MYO5B: variants seen among roughly 807,000 people sequenced by gnomAD.
MYO5B encodes unconventional myosin-Vb.
A neutral mutation model predicts 229.3 loss-of-function variants in MYO5B; 143 were observed. That is an observed-to-expected ratio of 0.62 (90% confidence interval 0.54 to 0.72). The LOEUF is 0.72. MYO5B is among the 30% of genes least tolerant of loss of function. The pLI is 0.00. For missense variants in MYO5B, 2,321 were observed against 2,331.0 expected (o/e 1.00, Z 0.09); for synonymous variants, 918 against 885.2 (o/e 1.04, Z -0.66).
intron 1 of MYO5B, among the ~76,000 whole-genome samples, chr18:50,191,157 C>G (rs2033221066): frequency 6.6e-6 from 1 of 152,236 alleles, no homozygotes; most frequent in South Asian, 2.1e-4. Context: ...TAGGCAACTA[C>G]ACAACTGCTT....
intron 1 of MYO5B, among the ~76,000 whole-genome samples, chr18:50,188,934 T>C (rs2033191092): frequency 6.6e-6 from 1 of 152,042 alleles, no homozygotes; most frequent in African/African-American, 2.4e-5. Flanking sequence ...AAAATTCTGA[T>C]GATCGCCAAC....
intron 22 of MYO5B, among the ~76,000 whole-genome samples, chr18:49,885,707 G>C (rs982353769): frequency 5.9e-5 from 9 of 152,036 alleles, no homozygotes; most frequent in African/African-American, 1.9e-4. Flanking sequence ...AGGTAGAAAG[G>C]GGCAGGAAAA....
At chr18:50,159,392 C>A (rs897363256) in intron 1 of MYO5B, among the ~76,000 whole-genome samples, 12 of 152,182 alleles carry the variant, frequency 7.9e-5, no homozygotes, top group African/African-American at 2.9e-4. Context: ...AAGGAGCTTT[C>A]ACATGTTTAT....
chr18:49,830,145 C>CCACACACA (rs57718809), intron 39 of MYO5B, among the ~76,000 whole-genome samples: 15,491 of 149,864 alleles, frequency 0.1, 1,000 homozygotes, highest in African/African-American at 0.19. Context: ...CTGAAAGAAT[C>CCACACACA]CACACACACA....
In MYO5B at chr18:49,849,522, A is replaced by G. The variant is rs367768347; in HGVS notation, c.4315+45T>C. On this transcript the variant is annotated intron_variant, in intron 32 of 39. Transcript: ENST00000285039. ...CAGCTCACACCCACAGGCGTGGCCA[A>G]GTATACCTGTGATTCACAAAACACA... The G allele has an allele frequency of 6.2e-4, 857 of 1,390,524 alleles. 9 individuals are homozygous for G. Among genetic ancestry groups the G allele is most frequent in the Non-Finnish European group, 2.2e-4 (215 of 976,826 alleles). 86.1% of individuals were successfully genotyped at this position (1,390,524 alleles called of 1,614,324 possible). A position where few individuals can be genotyped will look rare whatever the true frequency, so the allele number is the denominator to read the frequency against.
intron 2 of MYO5B, among the ~76,000 whole-genome samples, chr18:50,049,024 GAAAA>G (rs33975553): frequency 7.9e-6 from 1 of 126,598 alleles, no homozygotes. Context: ...TCCATCTCAG[GAAAA>G]AAAAAAAAAA....
intron 5 of MYO5B, among the ~76,000 whole-genome samples, chr18:49,995,257 CTT>C (rs34197598): frequency 7.3e-5 from 10 of 137,498 alleles, no homozygotes; most frequent in Admixed American, 2.2e-4. Flanking sequence ...CACTTATATC[CTT>C]TTTTTTTTTT....
At chr18:49,877,705 GA>G in intron 25 of MYO5B, 57 bp downstream of exon 25, 2 of 1,610,810 alleles carry the variant, frequency 1.2e-6, no homozygotes, top group Non-Finnish European at 1.7e-6. Flanking sequence ...GTTCCACACA[GA>G]AAAAAACACA....
chr18:50,036,787 T>TA (rs1452761709), intron 4 of MYO5B, 63 bp downstream of exon 4: 2 of 1,589,878 alleles, frequency 1.3e-6, no homozygotes, highest in Non-Finnish European at 1.7e-6. Context: ...CAGAGGAAGG[T>TA]AAAAACTCCC....
At chr18:50,081,539 T>C (rs2144470591) in intron 1 of MYO5B, among the ~76,000 whole-genome samples, 1 of 152,306 alleles carries the variant, frequency 6.6e-6, no homozygotes, top group East Asian at 1.9e-4. Flanking sequence ...ATCCCTGCAC[T>C]GTAATACAAT....
chr18:50,031,177 C>A (rs2026384762), intron 4 of MYO5B, among the ~76,000 whole-genome samples: 1 of 152,132 alleles, frequency 6.6e-6, no homozygotes, highest in Non-Finnish European at 1.5e-5. Flanking sequence ...GGTCTAAATT[C>A]CATTGCTACC....
intron 1 of MYO5B, among the ~76,000 whole-genome samples, chr18:50,073,173 A>G (rs2030998458): frequency 1.3e-5 from 2 of 152,232 alleles, no homozygotes; most frequent in South Asian, 4.1e-4. Context: ...TATCATTGCT[A>G]TTCTTGGTAC....
intron 1 of MYO5B, among the ~76,000 whole-genome samples, chr18:50,157,136 C>T (rs947189230): frequency 4.0e-5 from 6 of 150,546 alleles, no homozygotes; most frequent in African/African-American, 7.4e-5. Context: ...GACGGAGTCT[C>T]GCTCTGTCGC....
intron 18 of MYO5B, among the ~76,000 whole-genome samples, chr18:49,907,840 G>C (rs1346734725): frequency 2.0e-5 from 3 of 152,248 alleles, no homozygotes; most frequent in Non-Finnish European, 2.9e-5. Context: ...GCAAGAGTGG[G>C]CTCTGGGCCT....
In MYO5B at chr18:49,939,749, A is replaced by G. The variant is rs142789145; in HGVS notation, c.1753-2352T>C. Among the ~76,000 whole-genome samples, 82 of 152,348 alleles carry G rather than the reference A, an allele frequency of 5.4e-4. No homozygotes were observed. The East Asian group carries it at 0.012, about 22-fold the overall frequency. On this transcript the variant is annotated intron_variant, in intron 14 of 39. Coordinates refer to ENST00000285039, the MANE Select transcript of MYO5B (RefSeq NM_001080467.3). ...CCCAGGTCAGAATTTGTTTCAATAC[A>G]GAAATATAGCCTTGTCATTTAAACC...
At chr18:50,155,995 C>T (rs571288995) in intron 1 of MYO5B, among the ~76,000 whole-genome samples, 119 of 152,320 alleles carry the variant, frequency 7.8e-4, no homozygotes, top group Middle Eastern at 3.4e-3. Context: ...CTGCCACAGT[C>T]GTGCACAATG....
chr18:50,167,697 C>T (rs112412296), intron 1 of MYO5B, among the ~76,000 whole-genome samples: 1,591 of 152,268 alleles, frequency 0.01, 27 homozygotes, highest in African/African-American at 0.036. Context: ...GAAGCCCTCT[C>T]CCCCTGCTTC....
At chr18:49,980,680 A>C (rs2025804790) in intron 8 of MYO5B, 127 bp from the exon 9 acceptor site, 1 of 711,686 alleles carries the variant, frequency 1.4e-6, no homozygotes. Flanking sequence ...GATGACTCCT[A>C]AAATGATCCA....
intron 1 of MYO5B, among the ~76,000 whole-genome samples, chr18:50,176,052 A>G (rs1053509834): frequency 7.9e-5 from 12 of 152,216 alleles, no homozygotes; most frequent in Admixed American, 5.9e-4. Flanking sequence ...CTCACATGCT[A>G]TGGTTTCCAG....
Sources: allele counts gnomAD v4.1 joint callset (sites outside exome capture counted in the v4.1 genomes callset), GRCh38; gene constraint gnomAD v4.1.1; transcripts MANE v1.5; gene names NCBI Gene and HGNC (gene_info 2026-07-23, HGNC 2026-07-21).